ARHGAP30: variants seen among roughly 807,000 people sequenced by gnomAD.
ARHGAP30 encodes rho GTPase-activating protein 30.
ARHGAP30 carries 23 observed loss-of-function variants against 72.0 expected under a neutral mutation model. The observed-to-expected ratio is 0.32, with a 90% CI of 0.23 to 0.45. ARHGAP30 has a LOEUF of 0.45. Among genes scored for constraint, ARHGAP30 ranks in the 20% least tolerant of loss-of-function variants. ARHGAP30 has a pLI of 1.00. For synonymous variants in ARHGAP30, 576 were observed against 528.2 expected (o/e 1.09, Z -1.24); for missense variants, 1,319 against 1,383.4 (o/e 0.95, Z 0.74).
intron 5 of ARHGAP30, among the ~76,000 whole-genome samples, chr1:161,053,644 C>T (rs1164445856): frequency 2.6e-5 from 4 of 152,096 alleles, no homozygotes; most frequent in Non-Finnish European, 5.9e-5. Context: ...CTTTGCACAC[C>T]AGGGTGTCTA....
rs977183573 is a variant in ARHGAP30, at chr1:161,069,149, C to A, written c.97+379G>T. On this transcript the variant is annotated intron_variant, in intron 1 of 11. Transcript: ENST00000368013. This position sits in a 1 kb window ranked among gnomAD's most constrained non-coding sequence, Gnocchi z 4.9. ...CCTTTCATTCAGACCTAAGGATAAT[C>A]ATTTCCCCTTCAGCCACTCCTCTCC... Among the ~76,000 whole-genome samples the A allele has an allele frequency of 2.0e-5, 3 of 152,000 alleles. No homozygotes were observed. Among genetic ancestry groups the A allele is most frequent in the Non-Finnish European group, 2.9e-5 (2 of 67,980 alleles).
chr1:161,066,850 TA>T (rs1406595984), intron 1 of ARHGAP30, among the ~76,000 whole-genome samples: 4 of 152,028 alleles, frequency 2.6e-5, no homozygotes, highest in African/African-American at 9.7e-5. Context: ...AATGCAGAGA[TA>T]GGGCAGGCCC....
chr1:161,049,364 A>C (rs1210297970), intron 11 of ARHGAP30, 30 bp from the exon 12 acceptor site: 1 of 1,603,304 alleles, frequency 6.2e-7, no homozygotes. Flanking sequence ...ACTCAGGACC[A>C]GGAGGCCCTG....
rs3813609 is a variant in ARHGAP30, at chr1:161,049,250, G to T, written c.1771C>A (p.Leu591Met). The T allele has an allele frequency of 1.9e-6, 3 of 1,613,844 alleles. No individual in the cohort carries two copies. Among genetic ancestry groups the T allele is most frequent in the Middle Eastern group, 1.6e-4 (1 of 6,062 alleles). Reference sequence around the variant, plus strand: ...TCAGGCCTGGGGCCAGCGGAGTCCAGGGAACAGCAGCTGGGGGCCAAGACA... The same window carrying T: ...TCAGGCCTGGGGCCAGCGGAGTCCATGGAACAGCAGCTGGGGGCCAAGACA... Reference protein sequence around the residue: ...QFVLAPSCCSLDSAGPRPEVE... With the variant: ...QFVLAPSCCSMDSAGPRPEVE... Residue 591 changes from leucine (L) to methionine (M), a missense_variant, in exon 12 of 12, where the codon CTG becomes ATG. By Grantham distance (15) the Leu-to-Met change is conservative (BLOSUM62 2). Around this residue, in one of 2 missense-constraint regions of ARHGAP30, gnomAD observed 1,097 missense variants for 1,045.2 expected, o/e 1.05. Transcript: ENST00000368013.
chr1:161,058,015 G>A (rs148878570), intron 2 of ARHGAP30, among the ~76,000 whole-genome samples: 129 of 152,294 alleles, frequency 8.5e-4, no homozygotes, highest in African/African-American at 3.0e-3. Context: ...GCCAGGCATG[G>A]TGGCGCTCGC....
Position 161,052,747 on chromosome 1 carries a change from C to T in ARHGAP30, c.715G>A (p.Gly239Ser). ...CTGGGCATAAGGTCCTCGGGGCTGC[C>T]TGATGCCCGGGTCCCTGGAAGCGAT... ...WRSLPGTRAS[G>S]SPEDLMPRPL... The change falls in exon 7 of 12, where the codon GGC (glycine) becomes AGC (serine). Residue 239 changes from glycine to serine, a missense_variant. This residue lies in a region of ARHGAP30 where 222 missense variants were observed against 338.2 expected (regional missense o/e 0.66). Coordinates refer to ENST00000368013, the MANE Select transcript of ARHGAP30 (RefSeq NM_001025598.2). The T allele has an allele frequency of 6.2e-7, 1 of 1,612,086 alleles. No individual in the cohort carries two copies. Among genetic ancestry groups the T allele is most frequent in the South Asian group, 1.1e-5 (1 of 91,000 alleles).
intron 2 of ARHGAP30, among the ~76,000 whole-genome samples, 186 bp from the exon 3 acceptor site, chr1:161,056,718 G>A (rs1373092559): frequency 6.6e-6 from 1 of 152,178 alleles, no homozygotes; most frequent in Non-Finnish European, 1.5e-5. Flanking sequence ...ACATGTAGAT[G>A]TGAATGTGAG....
intron 1 of ARHGAP30, among the ~76,000 whole-genome samples, chr1:161,062,883 C>G (rs561994298): frequency 6.6e-6 from 1 of 151,744 alleles, no homozygotes; most frequent in Non-Finnish European, 1.5e-5. Flanking sequence ...GGCACAATCT[C>G]GGCTCACCAC....
At position 161,047,312 on chromosome 1, in the gene ARHGAP30, A is replaced by G. The variant is rs984876262; in HGVS notation, c.*403T>C. On this transcript the variant is annotated 3_prime_UTR_variant, in exon 12 of 12. Coordinates refer to ENST00000368013, the MANE Select transcript of ARHGAP30 (RefSeq NM_001025598.2). ...AACTCTAGAAGTGTTTGTGTGTGGA[A>G]GGCCCTAACCTGGCCCTGTCCTCCC... is the stretch of plus-strand genomic sequence containing the variant. 1 of 179,042 alleles carries G rather than the reference A, an allele frequency of 5.6e-6. No individual in the cohort carries two copies. Among genetic ancestry groups the G allele is most frequent in the Non-Finnish European group, 1.2e-5 (1 of 80,030 alleles). The allele number at this position is 179,042 out of a possible 1,614,324, so 11.1% of individuals were successfully genotyped here. A position where few individuals can be genotyped will look rare whatever the true frequency, so the allele number is the denominator to read the frequency against.
At position 161,052,742 on chromosome 1, in the gene ARHGAP30, G is replaced by A; in HGVS notation, c.720C>T (p.Ser240=). ...GTGGCCTGGGCATAAGGTCCTCGGG[G>A]CTGCCTGATGCCCGGGTCCCTGGAA... ...RSLPGTRASG[S]PEDLMPRPLP... Residue 240 remains serine (S), a synonymous_variant, in exon 7 of 12, where the codon AGC becomes AGT. Coordinates refer to ENST00000368013, the MANE Select transcript of ARHGAP30 (RefSeq NM_001025598.2). 6.2e-7 allele frequency: 1 copy of A among 1,612,078 alleles called. No individual in the cohort carries two copies. The highest frequency in any genetic ancestry group is 2.2e-4 in the Middle Eastern group (1 of 4,596).
At position 161,047,488 on chromosome 1, in the gene ARHGAP30, G is replaced by A. The variant is rs1180992757; in HGVS notation, c.*227C>T. 2.6e-6 allele frequency: 1 copy of A among 382,144 alleles called. No individual in the cohort carries two copies. Among genetic ancestry groups the A allele is most frequent in the African/African-American group, 2.1e-5 (1 of 48,222 alleles). The allele number at this position is 382,144 out of a possible 1,614,324, so 23.7% of individuals were successfully genotyped here. On this transcript the variant is annotated 3_prime_UTR_variant, in exon 12 of 12. Coordinates refer to ENST00000368013, the MANE Select transcript of ARHGAP30 (RefSeq NM_001025598.2). ...ACCCACTCCCTGGGAACAAGATCTT[G>A]TTGACTTTCTTGGGAATCTCCTAAG...
chr1:161,051,730 G>A lies in ARHGAP30; in HGVS notation c.1019-15C>T. On this transcript the variant is annotated splice_polypyrimidine_tract_variant and intron_variant, in intron 9 of 11. Coordinates refer to ENST00000368013, the MANE Select transcript of ARHGAP30 (RefSeq NM_001025598.2). ...CCCCTCTGGCTCTGTGGAGGAAAAA[G>A]AGGGCCAGGTAGGCAATAGCCTAAA... 1.9e-6 allele frequency: 3 copies of A among 1,589,270 alleles called. No homozygotes were observed. Among genetic ancestry groups the A allele is most frequent in the Non-Finnish European group, 2.6e-6 (3 of 1,168,380 alleles).
chr1:161,055,997 C>A (rs1450441418), intron 3 of ARHGAP30, among the ~76,000 whole-genome samples: 1 of 151,640 alleles, frequency 6.6e-6, no homozygotes, highest in East Asian at 1.9e-4. Context: ...AATGGAGAGG[C>A]ATCCTTGAAA....
intron 1 of ARHGAP30, among the ~76,000 whole-genome samples, chr1:161,068,971 CA>C (rs1314418676): frequency 1.3e-5 from 2 of 152,098 alleles, no homozygotes; most frequent in East Asian, 1.9e-4. Context: ...AGACTAGGGG[CA>C]GAGGTTGTTT....
In ARHGAP30 at chr1:161,052,322, T is replaced by C; in HGVS notation, c.982A>G (p.Met328Val). 1 of 1,613,996 alleles carries C rather than the reference T, an allele frequency of 6.2e-7. No homozygotes were observed. ...CCAGCTGCAGCACTCAGTGAGTCCA[T>C]GCTTTTGGCTGGCCGCAGTGTCCCC... is the stretch of plus-strand genomic sequence containing the variant. ...NKGTLRPAKS[M>V]DSLSAAAGAS... Residue 328 changes from methionine to valine, a missense_variant, in exon 9 of 12, where the codon ATG becomes GTG. Physicochemically the swap from Met to Val is conservative, Grantham distance 21 (BLOSUM62 1). Transcript: ENST00000368013.
rs190590932 is a variant in ARHGAP30 at position 161,062,296 on chromosome 1, G to T, written c.98-2580C>A. Among the ~76,000 whole-genome samples, 540 of 152,128 alleles carry T rather than the reference G, an allele frequency of 3.5e-3. 3 individuals carry two copies. The highest frequency in any genetic ancestry group is 5.8e-3 in the Non-Finnish European group (392 of 68,012). The stretch of plus-strand genomic sequence containing the variant: ...GTATATAAGACCCTTCACAAATCAG[G>T]TCCAGACACCATTTCAGCCACAGCT... On this transcript the variant is annotated intron_variant, in intron 1 of 11. Coordinates refer to ENST00000368013, the MANE Select transcript of ARHGAP30 (RefSeq NM_001025598.2).
At position 161,056,381 on chromosome 1, in the gene ARHGAP30, A is replaced by G; in HGVS notation, c.345+7T>C. ...CCTGTCTTCCACCCCTCGGCCTCTC[A>G]ACTCACAGCAAACTTGTCATAGAGC... On this transcript the variant is annotated splice_region_variant and intron_variant, in intron 3 of 11. Transcript: ENST00000368013. 6.2e-7 allele frequency: 1 copy of G among 1,613,194 alleles called. No homozygotes were observed. The highest frequency in any genetic ancestry group is 8.5e-7 in the Non-Finnish European group (1 of 1,179,620).
chr1:161,059,321 G>A (rs537327009), intron 2 of ARHGAP30, among the ~76,000 whole-genome samples: 2 of 146,950 alleles, frequency 1.4e-5, no homozygotes, highest in East Asian at 4.1e-4. Flanking sequence ...GAGCCACCGC[G>A]CCTGGCTCAA....
At chr1:161,054,825 C>G (rs1370845879) in intron 3 of ARHGAP30, 120 bp from the exon 4 acceptor site, 1 of 836,156 alleles carries the variant, frequency 1.2e-6, no homozygotes, top group Non-Finnish European at 2.0e-6. Flanking sequence ...CTACCCCATC[C>G]TACATCATCT....
Sources: allele counts gnomAD v4.1 joint callset (sites outside exome capture counted in the v4.1 genomes callset), GRCh38; gene constraint gnomAD v4.1.1; regional missense constraint gnomAD v4.1.1; non-coding constraint Gnocchi (gnomAD v3.1); transcripts MANE v1.5; gene names NCBI Gene and HGNC (gene_info 2026-07-23, HGNC 2026-07-21).